Variants in MAPRE2 observed in about 807,000 individuals in gnomAD.
The protein encoded by MAPRE2 is microtubule associated protein RP/EB family member 2, also known as microtubule-associated protein RP/EB family member 2.
Under a neutral mutation model 43.2 loss-of-function variants are expected in MAPRE2, and 13 were observed. That is an observed-to-expected ratio of 0.30 (90% CI 0.20 to 0.48). MAPRE2 has a LOEUF of 0.48. Ranked by LOEUF, MAPRE2 falls within the 20% of genes least tolerant of loss-of-function variation. MAPRE2 has a pLI of 0.99. For missense variants in MAPRE2, 161 were observed against 400.2 expected (o/e 0.40, Z 5.10); for synonymous variants, 135 against 148.8 (o/e 0.91, Z 0.68).
At chr18:35,095,380 ACACACACACACACACACACACG>A (rs1236529535) in intron 2 of MAPRE2, among the ~76,000 whole-genome samples, 3 of 142,278 alleles carry the variant, frequency 2.1e-5, no homozygotes, top group Non-Finnish European at 3.0e-5. Context: ...ACACACACAC[ACACACACACACACACACACACG>A]CACACACACA....
intron 2 of MAPRE2, among the ~76,000 whole-genome samples, 193 bp from the exon 3 acceptor site, chr18:35,097,253 G>T (rs1320582794): frequency 6.6e-6 from 1 of 152,146 alleles, no homozygotes; most frequent in Non-Finnish European, 1.5e-5. Flanking sequence ...GTGCTGTATT[G>T]TTGAGGTACA....
At chr18:34,990,871 C>CA (rs995221537) in intron 1 of MAPRE2, among the ~76,000 whole-genome samples, 4 of 152,126 alleles carry the variant, frequency 2.6e-5, no homozygotes, top group Middle Eastern at 3.2e-3. Context: ...AAGAAACACA[C>CA]AAAAAATTAA....
At chr18:35,054,706 T>C (rs888889510) in intron 1 of MAPRE2, among the ~76,000 whole-genome samples, 1 of 152,234 alleles carries the variant, frequency 6.6e-6, no homozygotes, top group African/African-American at 2.4e-5. Context: ...TTGTTTCTTT[T>C]TTTTGATAAG....
chr18:35,045,343 T>C (rs1031480362), intron 1 of MAPRE2, among the ~76,000 whole-genome samples: 1 of 152,204 alleles, frequency 6.6e-6, no homozygotes, highest in Non-Finnish European at 1.5e-5. Context: ...TCTTTGTTTG[T>C]ATACTCCAGG....
At chr18:35,005,040 C>A (rs1266831650) in intron 1 of MAPRE2, among the ~76,000 whole-genome samples, 1 of 151,948 alleles carries the variant, frequency 6.6e-6, no homozygotes, top group Non-Finnish European at 1.5e-5. Flanking sequence ...TAGAAAAAGC[C>A]TGTGTTGATA....
chr18:35,104,807 G>T (rs1908832197), intron 4 of MAPRE2, among the ~76,000 whole-genome samples: 1 of 152,066 alleles, frequency 6.6e-6, no homozygotes, highest in African/African-American at 2.4e-5. Flanking sequence ...CAAAGTCTGG[G>T]ATTCAGGAGG....
intron 4 of MAPRE2, among the ~76,000 whole-genome samples, chr18:35,111,916 T>C (rs1909190595): frequency 6.6e-6 from 1 of 152,194 alleles, no homozygotes; most frequent in African/African-American, 2.4e-5. Flanking sequence ...AGATGAGTCA[T>C]GCCTGTTTAT....
At chr18:35,114,847 C>T (rs1306609966) in intron 4 of MAPRE2, among the ~76,000 whole-genome samples, 2 of 152,168 alleles carry the variant, frequency 1.3e-5, no homozygotes, top group Admixed American at 6.5e-5. Context: ...CCCATGTGCT[C>T]ATCTGATGGA....
intron 4 of MAPRE2, among the ~76,000 whole-genome samples, chr18:35,114,356 T>A (rs1481542651): frequency 6.6e-6 from 1 of 152,304 alleles, no homozygotes; most frequent in African/African-American, 2.4e-5. Context: ...CATTTTTTTT[T>A]ATCGTGATTT....
rs188215456 is a variant in MAPRE2 at position 35,019,899 on chromosome 18, T to A, written c.-8+14346T>A. Among the ~76,000 whole-genome samples, 68 of 152,210 alleles carry A rather than the reference T, an allele frequency of 4.5e-4. No individual in the cohort carries two copies. The Middle Eastern group carries it at 0.017, about 38-fold the overall frequency. Reference sequence around the variant, plus strand: ...TAAAACCTTTTTCACATGTATAATTTTTGCTTTCCAAATAATAATATTCTT... The same window carrying A: ...TAAAACCTTTTTCACATGTATAATTATTGCTTTCCAAATAATAATATTCTT... On this transcript the variant is annotated intron_variant, in intron 2 of 7. Coordinates refer to the MAPRE2 transcript ENST00000413393.
At chr18:35,071,947 A>T (rs1317036603) in intron 2 of MAPRE2, among the ~76,000 whole-genome samples, 1 of 152,222 alleles carries the variant, frequency 6.6e-6, no homozygotes, top group Non-Finnish European at 1.5e-5. Flanking sequence ...GGTGCTAGCT[A>T]ACCACTCCTT....
chr18:35,051,313 T>A (rs1449078469), intron 1 of MAPRE2, among the ~76,000 whole-genome samples: 1 of 152,090 alleles, frequency 6.6e-6, no homozygotes, highest in Non-Finnish European at 1.5e-5. Flanking sequence ...CCAACAAGTC[T>A]CTCCCAAGTC....
intron 1 of MAPRE2, 72 bp downstream of exon 1, chr18:35,041,733 A>G: frequency 1.2e-6 from 2 of 1,610,572 alleles, no homozygotes; most frequent in Non-Finnish European, 1.7e-6. Context: ...CCGTTATATA[A>G]TGGAGCAGAC....
chr18:34,992,482 C>G (rs533976949), intron 1 of MAPRE2, among the ~76,000 whole-genome samples: 21 of 152,324 alleles, frequency 1.4e-4, no homozygotes, highest in African/African-American at 4.8e-4. Context: ...ACTCAATTCA[C>G]TTTTGTGACC....
At chr18:35,067,610 G>T (rs1192500076) in intron 1 of MAPRE2, among the ~76,000 whole-genome samples, 3 of 151,896 alleles carry the variant, frequency 2.0e-5, no homozygotes, top group African/African-American at 7.2e-5. Flanking sequence ...ATCTCAATTT[G>T]GTTTGGTGCC....
chr18:35,105,641 A>C (rs1244996029), intron 4 of MAPRE2, among the ~76,000 whole-genome samples: 1 of 152,064 alleles, frequency 6.6e-6, no homozygotes, highest in Non-Finnish European at 1.5e-5. Context: ...ACTTACCCAG[A>C]GTGTGTTTGC....
At chr18:35,011,920 G>A (rs1395101833) in intron 2 of MAPRE2, among the ~76,000 whole-genome samples, 3 of 151,920 alleles carry the variant, frequency 2.0e-5, no homozygotes, top group African/African-American at 7.3e-5. Context: ...GCCGGAGGAG[G>A]TGCTATTTTA....
At chr18:35,094,846 C>G (rs533479552) in intron 2 of MAPRE2, among the ~76,000 whole-genome samples, 2 of 152,276 alleles carry the variant, frequency 1.3e-5, no homozygotes, top group African/African-American at 4.8e-5. Flanking sequence ...CTCTAATGGT[C>G]CCTGTGTGTT....
At chr18:35,094,034 C>A (rs993607474) in intron 2 of MAPRE2, among the ~76,000 whole-genome samples, 3 of 151,970 alleles carry the variant, frequency 2.0e-5, no homozygotes, top group Non-Finnish European at 2.9e-5. Context: ...GGAAAACAAG[C>A]ACAAGGTTAA....
Sources: gnomAD v4.1 joint callset for allele counts (sites outside exome capture counted in the v4.1 genomes callset) on GRCh38, gnomAD v4.1.1 for gene constraint, MANE v1.5 for transcripts, NCBI Gene and HGNC (gene_info 2026-07-23, HGNC 2026-07-21) for gene names.